Variants in TENM3 observed in about 807,000 individuals in gnomAD.
The protein encoded by TENM3 is teneurin-3.
A neutral mutation model predicts 255.1 loss-of-function variants in TENM3; 63 were observed. The ratio of observed to expected loss-of-function variants is 0.25; its 90% confidence interval spans 0.20 to 0.30. TENM3 has a LOEUF of 0.30. Ranked by LOEUF, TENM3 falls within the 10% of genes least tolerant of loss-of-function variation. The pLI, the probability that TENM3 is intolerant of heterozygous loss-of-function variation, is 1.00. For synonymous variants in TENM3, 1,306 were observed against 1,322.3 expected (o/e 0.99, Z 0.27); for missense variants, 2,929 against 3,461.1 (o/e 0.85, Z 3.86).
the TENM3 span, among the ~76,000 whole-genome samples, chr4:182,106,795 C>T: frequency 6.6e-6 from 1 of 152,210 alleles, no homozygotes; most frequent in South Asian, 2.1e-4. Flanking sequence ...TTGGTATTAG[C>T]ATCAGTATCA....
At chr4:182,302,445 C>T (rs974041256) in intron 1 of TENM3, among the ~76,000 whole-genome samples, 1 of 152,196 alleles carries the variant, frequency 6.6e-6, no homozygotes, top group African/African-American at 2.4e-5. Flanking sequence ...CAGTGTTCAA[C>T]AGACGGATCT....
chr4:182,325,955 C>T (rs545079863), intron 2 of TENM3, among the ~76,000 whole-genome samples: 4 of 152,204 alleles, frequency 2.6e-5, no homozygotes, highest in Admixed American at 1.3e-4. Flanking sequence ...AGCCTTGATC[C>T]AGCGCAGACT....
At chr4:182,675,545 A>G (rs932367970) in intron 7 of TENM3, among the ~76,000 whole-genome samples, 4 of 151,670 alleles carry the variant, frequency 2.6e-5, no homozygotes, top group Admixed American at 6.6e-5. Context: ...TCTGTCTAGG[A>G]GAAAAAAAAA....
At chr4:182,672,671 C>T (rs949716154) in intron 6 of TENM3, among the ~76,000 whole-genome samples, 1 of 152,120 alleles carries the variant, frequency 6.6e-6, no homozygotes, top group Non-Finnish European at 1.5e-5. Flanking sequence ...CTAATCTCTC[C>T]CAAGAAATAA....
At chr4:181,821,202 T>C in the TENM3 span, among the ~76,000 whole-genome samples, 1 of 152,194 alleles carries the variant, frequency 6.6e-6, no homozygotes, top group South Asian at 2.1e-4. Context: ...TTTCTTGCTT[T>C]GGTGGCTTTC....
chr4:181,766,456 T>C, the TENM3 span, among the ~76,000 whole-genome samples: 1 of 152,074 alleles, frequency 6.6e-6, no homozygotes, highest in African/African-American at 2.4e-5. Context: ...AGTGCAATAC[T>C]TGTTGCCGAA....
the TENM3 span, chr4:181,829,914 C>T: frequency 1.3e-5 from 2 of 152,338 alleles, no homozygotes. Flanking sequence ...TAGCTCACGT[C>T]CCCACTTACC....
the TENM3 span, among the ~76,000 whole-genome samples, chr4:181,662,998 G>A: frequency 4.6e-5 from 7 of 152,114 alleles, no homozygotes; most frequent in Admixed American, 3.9e-4. Flanking sequence ...CTTAGAACTT[G>A]CACACTACTG....
At chr4:181,689,742 G>A in the TENM3 span, among the ~76,000 whole-genome samples, 1 of 152,126 alleles carries the variant, frequency 6.6e-6, no homozygotes, top group South Asian at 2.1e-4. Flanking sequence ...TTATCGATAA[G>A]CAGTTTTCAC....
At chr4:181,778,086 A>G in the TENM3 span, among the ~76,000 whole-genome samples, 9,516 of 152,214 alleles carry the variant, frequency 0.063, 605 homozygotes, top group African/African-American at 0.16. Context: ...TCAACAATGT[A>G]TACCAAACTT....
At chr4:181,507,871 C>G in the TENM3 span, among the ~76,000 whole-genome samples, 1 of 152,146 alleles carries the variant, frequency 6.6e-6, no homozygotes. Flanking sequence ...CTGCACACAA[C>G]TTTTGGTTAC....
the TENM3 span, among the ~76,000 whole-genome samples, chr4:181,547,440 G>C: frequency 1.3e-3 from 202 of 152,072 alleles, no homozygotes; most frequent in African/African-American, 4.3e-3. Context: ...ATCAATCCAA[G>C]ATATGTAATA....
chr4:181,807,680 T>G, the TENM3 span, among the ~76,000 whole-genome samples: 1 of 152,188 alleles, frequency 6.6e-6, no homozygotes, highest in Admixed American at 6.5e-5. Context: ...TATCATATCT[T>G]CCAGTATAGG....
the TENM3 span, among the ~76,000 whole-genome samples, chr4:181,988,081 A>G: frequency 1.3e-5 from 2 of 152,032 alleles, no homozygotes; most frequent in Admixed American, 1.3e-4. Context: ...TTCCAAAAGA[A>G]ATAGGATCTG....
At chr4:182,755,342 C>A in intron 22 of TENM3, 83 bp downstream of exon 22, 2 of 1,251,114 alleles carry the variant, frequency 1.6e-6, no homozygotes, top group Non-Finnish European at 2.1e-6. Context: ...ATCTTAAGAG[C>A]TGGAGGATTC....
At chr4:182,044,966 A>G in the TENM3 span, among the ~76,000 whole-genome samples, 1 of 152,248 alleles carries the variant, frequency 6.6e-6, no homozygotes, top group Admixed American at 6.5e-5. Flanking sequence ...GTCAAAAAAC[A>G]TCATAAGCCT....
chr4:182,590,200 G>A (rs1465392891), intron 3 of TENM3, among the ~76,000 whole-genome samples: 1 of 152,048 alleles, frequency 6.6e-6, no homozygotes, highest in Non-Finnish European at 1.5e-5. Context: ...GACAACATAG[G>A]AGATTTCTTA....
At chr4:181,471,484 G>A in the TENM3 span, among the ~76,000 whole-genome samples, 2 of 152,160 alleles carry the variant, frequency 1.3e-5, no homozygotes. Context: ...GGGCGGCTGT[G>A]CTGGGTATTT....
intron 13 of TENM3, among the ~76,000 whole-genome samples, chr4:182,720,077 C>T (rs1256803835): frequency 6.6e-6 from 1 of 151,412 alleles, no homozygotes; most frequent in Non-Finnish European, 1.5e-5. Context: ...CACACACACA[C>T]ACAAACAAAC....
Sources: allele counts gnomAD v4.1 joint callset (sites outside exome capture counted in the v4.1 genomes callset), GRCh38; gene constraint gnomAD v4.1.1; transcripts MANE v1.5; gene names NCBI Gene and HGNC (gene_info 2026-07-23, HGNC 2026-07-21).